Variants in AFF3 observed in about 807,000 individuals in gnomAD.
The protein encoded by AFF3 is AF4/FMR2 family member 3.
In AFF3, 32 loss-of-function variants were observed where a neutral mutation model predicts 129.7. The ratio of observed to expected loss-of-function variants is 0.25; its 90% CI spans 0.19 to 0.33. The LOEUF (loss-of-function observed/expected upper bound fraction) is 0.33. Among genes scored for constraint, AFF3 ranks in the 10% least tolerant of loss-of-function variants. AFF3 has a pLI of 1.00. For missense variants in AFF3, 1,373 were observed against 1,592.0 expected (o/e 0.86, Z 2.34); for synonymous variants, 644 against 635.4 (o/e 1.01, Z -0.20).
chr2:99,834,165 C>T lies in AFF3; in HGVS notation c.921+3312G>A, dbSNP rs1049603354. On this transcript the variant is annotated intron_variant, in intron 8 of 24. Coordinates refer to ENST00000672756, the MANE Select transcript of AFF3 (RefSeq NM_001386135.1). ...TCACAATGAATTGCCTGACTGGTTTCGTTAATGAGCCAGGGGGACGTCTTC... is the reference window on the plus strand; with the variant it reads ...TCACAATGAATTGCCTGACTGGTTTTGTTAATGAGCCAGGGGGACGTCTTC... Among the ~76,000 whole-genome samples, 10 of 152,004 alleles carry T rather than the reference C, an allele frequency of 6.6e-5. No homozygotes were observed. In the East Asian group the frequency reaches 1.5e-3, roughly 23 times the overall value.
intron 8 of AFF3, among the ~76,000 whole-genome samples, chr2:99,806,370 C>T (rs549963893): frequency 4.7e-4 from 72 of 152,302 alleles, no homozygotes; most frequent in African/African-American, 1.7e-3. Flanking sequence ...TCATGGAATT[C>T]ATGTTCCAGG....
intron 8 of AFF3, among the ~76,000 whole-genome samples, chr2:99,778,186 T>A (rs1443739726): frequency 2.0e-5 from 3 of 152,100 alleles, no homozygotes; most frequent in African/African-American, 7.2e-5. Flanking sequence ...TGGAGCTCTG[T>A]CTGCCCGGAA....
At chr2:100,015,623 T>C (rs1262322695) in intron 4 of AFF3, among the ~76,000 whole-genome samples, 1 of 152,202 alleles carries the variant, frequency 6.6e-6, no homozygotes, top group Non-Finnish European at 1.5e-5. Context: ...TTAAAAATTG[T>C]TTTTTAAATT....
chr2:99,935,161 A>G (rs1674406222), intron 7 of AFF3, among the ~76,000 whole-genome samples: 5 of 152,212 alleles, frequency 3.3e-5, no homozygotes. Flanking sequence ...TCTCTTGCAC[A>G]TGTGGCATTC....
chr2:99,788,543 T>C (rs1328398423), intron 8 of AFF3, among the ~76,000 whole-genome samples: 1 of 152,252 alleles, frequency 6.6e-6, no homozygotes, highest in Non-Finnish European at 1.5e-5. Flanking sequence ...TACAGTGTTG[T>C]TTGTGCTTAA....
chr2:99,995,661 C>T (rs1680774909), intron 7 of AFF3, among the ~76,000 whole-genome samples: 1 of 152,122 alleles, frequency 6.6e-6, no homozygotes, highest in South Asian at 2.1e-4. Flanking sequence ...ACGCCTGGCC[C>T]ATCTATTTCT....
intron 7 of AFF3, among the ~76,000 whole-genome samples, chr2:99,899,009 A>G (rs184761911): frequency 3.1e-4 from 47 of 152,102 alleles, no homozygotes; most frequent in African/African-American, 1.1e-3. Flanking sequence ...CACCTTCTAA[A>G]CCAAGACCAC....
intron 4 of AFF3, among the ~76,000 whole-genome samples, chr2:100,062,317 A>T (rs1687359638): frequency 6.6e-6 from 1 of 152,250 alleles, no homozygotes; most frequent in Non-Finnish European, 1.5e-5. Context: ...AGGCTTCCAG[A>T]AGTATGGCAG....
intron 11 of AFF3, among the ~76,000 whole-genome samples, chr2:99,694,762 A>C (rs1322340265): frequency 6.6e-6 from 1 of 152,228 alleles, no homozygotes; most frequent in African/African-American, 2.4e-5. Flanking sequence ...GCTGGAGTAC[A>C]GCGGTACATT....
At chr2:99,656,605 C>T (rs112631549) in intron 12 of AFF3, among the ~76,000 whole-genome samples, 9,795 of 152,200 alleles carry the variant, frequency 0.064, 520 homozygotes, top group Non-Finnish European at 0.087. Flanking sequence ...ATTTATTTCA[C>T]GGTTTAATTT....
chr2:99,960,419 T>A (rs1382111692), intron 7 of AFF3, among the ~76,000 whole-genome samples: 6 of 151,770 alleles, frequency 4.0e-5, no homozygotes, highest in Non-Finnish European at 7.4e-5. Flanking sequence ...GTCATTCTGA[T>A]ACTTCATTTA....
chr2:99,935,660 C>A (rs1430606883), intron 7 of AFF3, among the ~76,000 whole-genome samples: 2 of 152,180 alleles, frequency 1.3e-5, no homozygotes, highest in Non-Finnish European at 2.9e-5. Flanking sequence ...CTTGGCTCCA[C>A]CATCAGTGTT....
chr2:99,566,400 T>C (rs1394885020), intron 19 of AFF3, among the ~76,000 whole-genome samples: 1 of 152,194 alleles, frequency 6.6e-6, no homozygotes, highest in Non-Finnish European at 1.5e-5. Flanking sequence ...AAATGATTTT[T>C]GGTTGGGCCT....
intron 10 of AFF3, among the ~76,000 whole-genome samples, chr2:99,737,500 T>G (rs915921625): frequency 6.6e-6 from 1 of 152,098 alleles, no homozygotes; most frequent in African/African-American, 2.4e-5. Context: ...CCCAACTCAG[T>G]GATGCTTCAG....
In AFF3 at chr2:99,898,632, T is replaced by G. The variant is rs577594710; in HGVS notation, c.874-61108A>C. ...TCCACAGTCCTGCACTTGCTCACGTTGACACTGGGGGCTGCCATGGGTCGC... is the reference window on the plus strand; with the variant it reads ...TCCACAGTCCTGCACTTGCTCACGTGGACACTGGGGGCTGCCATGGGTCGC... On this transcript the variant is annotated intron_variant, in intron 7 of 24. Transcript: ENST00000672756. 4.9e-4 allele frequency among the ~76,000 whole-genome samples: 74 copies of G among 152,314 alleles called. 1 individual carries two copies. Among genetic ancestry groups the G allele is most frequent in the Admixed American group, 4.2e-3 (64 of 15,300 alleles).
At chr2:99,675,148 C>T (rs999574700) in intron 11 of AFF3, among the ~76,000 whole-genome samples, 6 of 152,280 alleles carry the variant, frequency 3.9e-5, no homozygotes, top group South Asian at 2.1e-4. Flanking sequence ...CTTTACCTCT[C>T]TTATATTAAA....
chr2:99,638,941 G>A (rs983869778), intron 13 of AFF3, among the ~76,000 whole-genome samples: 1 of 152,188 alleles, frequency 6.6e-6, no homozygotes, highest in Non-Finnish European at 1.5e-5. Flanking sequence ...CACCCCATGT[G>A]TTTCTGCAGG....
intron 12 of AFF3, among the ~76,000 whole-genome samples, chr2:99,651,209 C>G (rs899595090): frequency 2.0e-5 from 3 of 151,072 alleles, no homozygotes; most frequent in Non-Finnish European, 4.4e-5. Flanking sequence ...ATTTCTCCAT[C>G]GGATTCTCCC....
chr2:100,120,527 A>T (rs1691920240), intron 2 of AFF3, among the ~76,000 whole-genome samples: 1 of 147,250 alleles, frequency 6.8e-6, no homozygotes, highest in Non-Finnish European at 1.5e-5. Context: ...AAAGGCTGAG[A>T]TCCACATTTA....
Sources: gnomAD v4.1 joint callset for allele counts (sites outside exome capture counted in the v4.1 genomes callset) on GRCh38, gnomAD v4.1.1 for gene constraint, MANE v1.5 for transcripts, NCBI Gene and HGNC (gene_info 2026-07-23, HGNC 2026-07-21) for gene names.